The following PRKG1 variants were observed in gnomAD, a reference collection of about 807,000 sequenced individuals.
PRKG1 encodes the protein protein kinase cGMP-dependent 1, also known as cGMP-dependent protein kinase 1.
PRKG1 carries 35 observed loss-of-function variants against 88.1 expected under a neutral mutation model. That is an observed-to-expected ratio of 0.40 (90% CI 0.30 to 0.53). The LOEUF is 0.53. Ranked by LOEUF, PRKG1 falls within the 20% of genes least tolerant of loss-of-function variation. The pLI is 0.59. For synonymous variants in PRKG1, 303 were observed against 292.5 expected (o/e 1.04, Z -0.37); for missense variants, 540 against 839.8 (o/e 0.64, Z 4.41).
chr10:51,062,580 T>C (rs184218522), intron 1 of PRKG1: 8 of 152,232 alleles, frequency 5.3e-5, no homozygotes, highest in African/African-American at 1.4e-4. Context: ...AATAAGATAA[T>C]CTCTTGAATA....
At chr10:51,686,664 A>G (rs74132553) in intron 3 of PRKG1, among the ~76,000 whole-genome samples, 4,247 of 152,324 alleles carry the variant, frequency 0.028, 194 homozygotes, top group African/African-American at 0.095. Context: ...AGCCCCAATT[A>G]GGACTGGAAT....
chr10:51,430,063 A>G (rs1429601778), intron 2 of PRKG1, among the ~76,000 whole-genome samples: 4 of 152,010 alleles, frequency 2.6e-5, no homozygotes, highest in Non-Finnish European at 4.4e-5. Flanking sequence ...CTCCAAAGCT[A>G]CATATATCAT....
chr10:51,881,054 G>T (rs922157039), intron 4 of PRKG1, among the ~76,000 whole-genome samples: 1 of 152,090 alleles, frequency 6.6e-6, no homozygotes, highest in African/African-American at 2.4e-5. Flanking sequence ...TGGGATGGGT[G>T]GGGGAGGGGC....
intron 3 of PRKG1, among the ~76,000 whole-genome samples, chr10:51,793,119 AAAG>A (rs1386295052): frequency 6.7e-6 from 1 of 148,254 alleles, no homozygotes; most frequent in Non-Finnish European, 1.5e-5. Flanking sequence ...TCTCTATTTT[AAAG>A]AAGGTCAGCA....
chr10:51,241,778 C>T (rs1839158984), intron 2 of PRKG1, among the ~76,000 whole-genome samples: 1 of 152,134 alleles, frequency 6.6e-6, no homozygotes, highest in African/African-American at 2.4e-5. Flanking sequence ...AATTATTTCT[C>T]CCTGTCCTGT....
Position 52,293,978 on chromosome 10 carries a change from G to A in PRKG1, c.*78G>A. ...CAGCTGCCAGCAAACCTGAGGGAAA[G>A]AGAGAAGATTAGTGCTCGGGGTCAC... On this transcript the variant is annotated 3_prime_UTR_variant, in exon 18 of 18. Coordinates refer to ENST00000373980, the MANE Select transcript of PRKG1 (RefSeq NM_006258.4). 7.9e-7 allele frequency: 1 copy of A among 1,259,016 alleles called. No individual in the cohort carries two copies. The highest frequency in any genetic ancestry group is 1.1e-6 in the Non-Finnish European group (1 of 872,242). The allele number at this position is 1,259,016 out of a possible 1,614,324, so 78.0% of individuals were successfully genotyped here.
At chr10:52,146,355 T>G (rs1837727165) in intron 8 of PRKG1, among the ~76,000 whole-genome samples, 1 of 152,178 alleles carries the variant, frequency 6.6e-6, no homozygotes, top group South Asian at 2.1e-4. Context: ...ATTTTTCTCC[T>G]GCGTTGTCTA....
intron 1 of PRKG1, among the ~76,000 whole-genome samples, chr10:51,113,033 T>G (rs542900501): frequency 6.6e-6 from 1 of 152,304 alleles, no homozygotes; most frequent in South Asian, 2.1e-4. Context: ...CCAAAATCCC[T>G]CATTAGCTGA....
intron 4 of PRKG1, among the ~76,000 whole-genome samples, chr10:51,817,604 G>T (rs1453213352): frequency 6.6e-6 from 1 of 152,110 alleles, no homozygotes; most frequent in Non-Finnish European, 1.5e-5. Flanking sequence ...TATCACTGAT[G>T]AGCATTTGGG....
intron 2 of PRKG1, among the ~76,000 whole-genome samples, chr10:51,290,877 C>T (rs184091524): frequency 1.7e-4 from 26 of 152,152 alleles, no homozygotes; most frequent in African/African-American, 4.8e-4. Context: ...CACTGCCAGA[C>T]GAAGAAGTGA....
intron 3 of PRKG1, among the ~76,000 whole-genome samples, chr10:51,670,703 T>A: frequency 6.8e-6 from 1 of 146,422 alleles, no homozygotes. Context: ...GCCACTGCAC[T>A]CCAGCCTGGG....
chr10:51,332,415 AAT>A (rs887422460), intron 2 of PRKG1, among the ~76,000 whole-genome samples: 1 of 150,916 alleles, frequency 6.6e-6, no homozygotes, highest in Non-Finnish European at 1.5e-5. Flanking sequence ...CACCTAAAAA[AAT>A]CACACTGAGG....
intron 4 of PRKG1, among the ~76,000 whole-genome samples, chr10:51,866,611 C>T (rs1042726668): frequency 2.6e-5 from 4 of 152,074 alleles, no homozygotes; most frequent in African/African-American, 7.2e-5. Context: ...GGAGAAGTTG[C>T]TGGTAAATTG....
intron 3 of PRKG1, among the ~76,000 whole-genome samples, chr10:51,625,092 T>C (rs1481716917): frequency 6.6e-6 from 1 of 152,202 alleles, no homozygotes; most frequent in African/African-American, 2.4e-5. Context: ...ATGTTTAAAG[T>C]GATGGGTATG....
At chr10:51,277,055 G>A (rs1332311446) in intron 2 of PRKG1, among the ~76,000 whole-genome samples, 1 of 152,140 alleles carries the variant, frequency 6.6e-6, no homozygotes, top group African/African-American at 2.4e-5. Flanking sequence ...GTCCTGAATG[G>A]TATTGACTAA....
intron 6 of PRKG1, among the ~76,000 whole-genome samples, chr10:52,062,017 G>C (rs1846247370): frequency 6.6e-6 from 1 of 151,764 alleles, no homozygotes; most frequent in South Asian, 2.1e-4. Flanking sequence ...ATAGGATATG[G>C]GTAAGTAAAT....
chr10:51,513,371 A>G (rs370007542), intron 3 of PRKG1, among the ~76,000 whole-genome samples: 6,344 of 125,754 alleles, frequency 0.05, 269 homozygotes, highest in Middle Eastern at 0.11. Context: ...CTACAAAGAG[A>G]CTTAGACTCC....
At chr10:52,068,758 A>G (rs1432756560) in intron 7 of PRKG1, among the ~76,000 whole-genome samples, 1 of 152,178 alleles carries the variant, frequency 6.6e-6, no homozygotes, top group South Asian at 2.1e-4. Context: ...GGCAAAATTG[A>G]CATAGCATTA....
At chr10:52,122,850 G>A (rs1232219785) in intron 7 of PRKG1, among the ~76,000 whole-genome samples, 3 of 152,152 alleles carry the variant, frequency 2.0e-5, no homozygotes, top group African/African-American at 7.2e-5. Flanking sequence ...TTAACATTTA[G>A]GGGAATGAAT....
Sources: gnomAD v4.1 joint callset for allele counts (sites outside exome capture counted in the v4.1 genomes callset) on GRCh38, gnomAD v4.1.1 for gene constraint, MANE v1.5 for transcripts, NCBI Gene and HGNC (gene_info 2026-07-23, HGNC 2026-07-21) for gene names.